NAP1L1: variants seen among roughly 807,000 people sequenced by gnomAD.
NAP1L1 encodes the protein nucleosome assembly protein 1-like 1.
Under a neutral mutation model 58.9 loss-of-function variants are expected in NAP1L1, and 9 were observed. The ratio of observed to expected loss-of-function variants is 0.15; its 90% CI spans 0.09 to 0.27. The LOEUF (loss-of-function observed/expected upper bound fraction) is 0.27. Among genes scored for constraint, NAP1L1 ranks in the 10% least tolerant of loss-of-function variants. The pLI, the probability that NAP1L1 is intolerant of heterozygous loss-of-function variation, is 1.00. For synonymous variants in NAP1L1, 130 were observed against 138.3 expected, an observed-to-expected ratio of 0.94 and a Z score of 0.42; for missense variants, 302 against 458.8, an observed-to-expected ratio of 0.66 and a Z score of 3.12.
At chr12:76,081,060 A>T (rs979741613) in intron 1 of NAP1L1, among the ~76,000 whole-genome samples, 1 of 123,874 alleles carries the variant, frequency 8.1e-6, no homozygotes, top group African/African-American at 3.2e-5. Flanking sequence ...CAGCCTCTAT[A>T]ACTGCAAGAA....
chr12:76,041,345 A>C lies in NAP1L1; in HGVS notation c.*7084T>G, dbSNP rs1161389226. On this transcript the variant is annotated 3_prime_UTR_variant, in exon 15 of 15. Coordinates refer to ENST00000618691, the MANE Select transcript of NAP1L1 (RefSeq NM_004537.7). ...CTAGAGTATTTTGAACTGGTTCAAA[A>C]CCAGTTCAGATTTATAGAACCAAAG... The C allele has an allele frequency of 1.3e-5, 2 of 152,182 alleles. No homozygotes were observed. The highest frequency in any genetic ancestry group is 6.5e-5 in the Admixed American group (1 of 15,280). 9.4% of individuals were successfully genotyped at this position (152,182 alleles called of 1,614,324 possible).
chr12:76,074,622 T>C (rs1259232786), intron 1 of NAP1L1, among the ~76,000 whole-genome samples: 1 of 152,226 alleles, frequency 6.6e-6, no homozygotes, highest in Non-Finnish European at 1.5e-5. Context: ...CAATTTCTGC[T>C]TAAATTTTTA....
chr12:76,074,063 T>G (rs1192225069), intron 2 of NAP1L1, 140 bp downstream of exon 2: 1 of 705,048 alleles, frequency 1.4e-6, no homozygotes, highest in Non-Finnish European at 2.5e-6. Context: ...TTGAATACAC[T>G]GCACTAGACT....
rs1292661203 is a variant in NAP1L1, at chr12:76,048,037, A to C, written c.*392T>G. ...AGTAATGAAAGGCACAGCTAATCCA[A>C]GCGGACTTAACCCTATTCAACAACC... On this transcript the variant is annotated 3_prime_UTR_variant, in exon 15 of 15. Coordinates refer to ENST00000618691, the MANE Select transcript of NAP1L1 (RefSeq NM_004537.7). 1 of 181,358 alleles carries C rather than the reference A, an allele frequency of 5.5e-6. No individual in the cohort carries two copies. The highest frequency in any genetic ancestry group is 6.0e-5 in the Admixed American group (1 of 16,788). 11.2% of individuals were successfully genotyped at this position (181,358 alleles called of 1,614,324 possible).
chr12:76,075,659 T>C (rs1222194311), intron 1 of NAP1L1, among the ~76,000 whole-genome samples: 5 of 152,200 alleles, frequency 3.3e-5, no homozygotes, highest in South Asian at 2.1e-4. Context: ...ACAAAGTGTT[T>C]AGCAATTATG....
chr12:76,052,980 G>T, intron 11 of NAP1L1, 111 bp downstream of exon 11: 1 of 974,608 alleles, frequency 1.0e-6, no homozygotes, highest in Non-Finnish European at 1.5e-6. Flanking sequence ...CCCATGCATT[G>T]TAGGCCTCAG....
At chr12:76,058,282 C>T (rs1363978429) in intron 6 of NAP1L1, among the ~76,000 whole-genome samples, 1 of 149,188 alleles carries the variant, frequency 6.7e-6, no homozygotes, top group African/African-American at 2.5e-5. Context: ...CTGTTCTGTA[C>T]AAGGCTGCTT....
At position 76,048,432 on chromosome 12, in the gene NAP1L1, C is replaced by T; in HGVS notation, c.1173G>A (p.Gln391=). 1 of 1,613,554 alleles carries T rather than the reference C, an allele frequency of 6.2e-7. No individual in the cohort carries two copies. ...KDQNPAECKQ[Q] ...TCAAGGCCACATACATCCTGCTTCACTGCTGCTTGCACTCTGCTGGGTTTT... is the reference window on the plus strand; with the variant it reads ...TCAAGGCCACATACATCCTGCTTCATTGCTGCTTGCACTCTGCTGGGTTTT... Residue 391 remains glutamine (Q), a synonymous_variant, in exon 15 of 15, where the codon CAG becomes CAA. Coordinates refer to ENST00000618691, the MANE Select transcript of NAP1L1 (RefSeq NM_004537.7).
chr12:76,057,971 AT>A (rs1230838118), intron 6 of NAP1L1: 3 of 955,746 alleles, frequency 3.1e-6, no homozygotes, highest in East Asian at 4.8e-5. Flanking sequence ...TCACACAAAG[AT>A]TTTTTGCTCA....
intron 4 of NAP1L1, among the ~76,000 whole-genome samples, chr12:76,067,052 A>G (rs1269445991): frequency 6.6e-6 from 1 of 152,140 alleles, no homozygotes; most frequent in Non-Finnish European, 1.5e-5. Context: ...GCTATTAATA[A>G]TGATTTATGT....
rs1315744108 is a variant in NAP1L1, at chr12:76,043,240, A to G, written c.*5189T>C. The G allele has an allele frequency of 6.6e-6, 1 of 152,150 alleles. No homozygotes were observed. The highest frequency in any genetic ancestry group is 6.6e-5 in the Admixed American group (1 of 15,262). 9.4% of individuals were successfully genotyped at this position (152,150 alleles called of 1,614,324 possible). On this transcript the variant is annotated 3_prime_UTR_variant, in exon 15 of 15. Transcript: ENST00000618691. Reference sequence around the variant, plus strand: ...TCAATCATGTCTTCCTTTAAAAATTATCTTTCAGCCAGGTGCAGTGGCTAA... The same window carrying G: ...TCAATCATGTCTTCCTTTAAAAATTGTCTTTCAGCCAGGTGCAGTGGCTAA...
Position 76,039,041 on chromosome 12 carries a change from T to C in NAP1L1, c.*9388A>G, listed in dbSNP as rs1009129358. 6.6e-6 allele frequency: 1 copy of C among 152,226 alleles called. No individual in the cohort carries two copies. The highest frequency in any genetic ancestry group is 2.4e-5 in the African/African-American group (1 of 41,454). 9.4% of individuals were successfully genotyped at this position (152,226 alleles called of 1,614,324 possible). A position where few individuals can be genotyped will look rare whatever the true frequency, so the allele number is the denominator to read the frequency against. ...GGGCCGTATTTAAAGAAAATTACTT[T>C]TCTTAGCCCTGTTCACTTATTTCTA... On this transcript the variant is annotated 3_prime_UTR_variant, in exon 15 of 15. Transcript: ENST00000618691.
intron 12 of NAP1L1, 140 bp from the exon 13 acceptor site, chr12:76,049,925 A>G: frequency 1.2e-6 from 1 of 822,878 alleles, no homozygotes; most frequent in Non-Finnish European, 1.9e-6. Flanking sequence ...TTATAAATTA[A>G]AACACATAGT....
intron 5 of NAP1L1, 96 bp downstream of exon 5, chr12:76,060,042 T>C: frequency 7.4e-7 from 1 of 1,354,222 alleles, no homozygotes; most frequent in Non-Finnish European, 1.0e-6. Context: ...ACAATTTCAA[T>C]GAGAGTTCTA....
rs544089850 is a variant in NAP1L1 at position 76,057,096 on chromosome 12, T to G, written c.430-935A>C. The stretch of plus-strand genomic sequence containing the variant: ...TGCGAAGATTGCTTGAAGCCAGGAG[T>G]CTAAGACCAGCCTAGGCAAGAAGAC... On this transcript the variant is annotated intron_variant, in intron 6 of 14. Coordinates refer to ENST00000618691, the MANE Select transcript of NAP1L1 (RefSeq NM_004537.7). The G allele has an allele frequency of 2.2e-5, 4 of 184,646 alleles. No individual in the cohort carries two copies. In the South Asian group the frequency reaches 4.3e-4, roughly 20 times the overall value. 11.4% of individuals were successfully genotyped at this position (184,646 alleles called of 1,614,324 possible).
intron 4 of NAP1L1, among the ~76,000 whole-genome samples, chr12:76,062,092 G>A (rs1949442968): frequency 6.6e-6 from 1 of 152,216 alleles, no homozygotes; most frequent in African/African-American, 2.4e-5. Flanking sequence ...AGCTTTTTAA[G>A]TTCTGCTCCT....
chr12:76,057,218 A>G, intron 6 of NAP1L1: 1 of 222,484 alleles, frequency 4.5e-6, no homozygotes, highest in Non-Finnish European at 9.0e-6. Flanking sequence ...GCTTGGGCCC[A>G]GGAATGAGCT....
rs1289806423 is a variant in NAP1L1 at position 76,037,463 on chromosome 12, C to A, written c.*10966G>T. ...CTAATTCAGTTCTCTCATCTAAGTT[C>A]TTGGGTGGCCCAATCACCTGATCCA... is the stretch of plus-strand genomic sequence containing the variant. On this transcript the variant is annotated 3_prime_UTR_variant, in exon 15 of 15. Transcript: ENST00000618691. 2.6e-5 allele frequency: 4 copies of A among 152,570 alleles called. No homozygotes were observed. The highest frequency in any genetic ancestry group is 5.9e-5 in the Non-Finnish European group (4 of 68,076). 9.5% of individuals were successfully genotyped at this position (152,570 alleles called of 1,614,324 possible). A position where few individuals can be genotyped will look rare whatever the true frequency, so the allele number is the denominator to read the frequency against.
At position 76,048,208 on chromosome 12, in the gene NAP1L1, G is replaced by T; in HGVS notation, c.*221C>A. On this transcript the variant is annotated 3_prime_UTR_variant, in exon 15 of 15. Coordinates refer to ENST00000618691, the MANE Select transcript of NAP1L1 (RefSeq NM_004537.7). ...AGAACCAAATTATGTAGCAATGAAT[G>T]AACATGCGTGACAGAATTTGTGCAT... 2 of 464,236 alleles carry T rather than the reference G, an allele frequency of 4.3e-6. No individual in the cohort carries two copies. The highest frequency in any genetic ancestry group is 3.8e-5 in the Admixed American group (1 of 26,216). 28.8% of individuals were successfully genotyped at this position (464,236 alleles called of 1,614,324 possible).
Sources: gnomAD v4.1 joint callset for allele counts (sites outside exome capture counted in the v4.1 genomes callset) on GRCh38, gnomAD v4.1.1 for gene constraint, MANE v1.5 for transcripts, NCBI Gene and HGNC (gene_info 2026-07-23, HGNC 2026-07-21) for gene names.